FAT4: variants seen among roughly 807,000 people sequenced by gnomAD.
FAT4 encodes FAT atypical cadherin 4, also known as protocadherin Fat 4.
Under a neutral mutation model 303.9 loss-of-function variants are expected in FAT4, and 84 were observed. The observed-to-expected ratio is 0.28, with a 90% CI of 0.23 to 0.33. FAT4 has a LOEUF of 0.33. Ranked by LOEUF, FAT4 falls within the 10% of genes least tolerant of loss-of-function variation. FAT4 has a pLI of 1.00. For synonymous variants in FAT4, 2,307 were observed against 2,298.8 expected (o/e 1.00, Z -0.10); for missense variants, 6,005 against 6,146.8 (o/e 0.98, Z 0.77).
chr4:125,411,714 AT>A (rs2126023942), intron 5 of FAT4, among the ~76,000 whole-genome samples: 1 of 148,428 alleles, frequency 6.7e-6, no homozygotes, highest in East Asian at 2.0e-4. Context: ...TACTTTTAAA[AT>A]ATATTTTACT....
chr4:125,375,598 A>G (rs1578573227), intron 2 of FAT4, among the ~76,000 whole-genome samples: 1 of 152,330 alleles, frequency 6.6e-6, no homozygotes, highest in Admixed American at 6.5e-5. Flanking sequence ...ACATCACTGC[A>G]CTAAGAGTAA....
chr4:125,436,465 C>T (rs142905433), intron 8 of FAT4, among the ~76,000 whole-genome samples: 1 of 152,218 alleles, frequency 6.6e-6, no homozygotes, highest in African/African-American at 2.4e-5. Context: ...TGGATATACA[C>T]ATTTGAGAGT....
At chr4:125,489,412 T>A (rs946840350) in intron 17 of FAT4, among the ~76,000 whole-genome samples, 2 of 152,346 alleles carry the variant, frequency 1.3e-5, no homozygotes, top group East Asian at 3.9e-4. Context: ...ATTTTTTTGT[T>A]TTGCTCCCCA....
Position 125,492,884 on chromosome 4 carries a change from T to C in FAT4, c.*1116T>C, listed in dbSNP as rs1477417259. 1 of 152,570 alleles carries C rather than the reference T, an allele frequency of 6.6e-6. No individual in the cohort carries two copies. The highest frequency in any genetic ancestry group is 2.4e-5 in the African/African-American group (1 of 41,466). The allele number at this position is 152,570 out of a possible 1,614,324, so 9.5% of individuals were successfully genotyped here. ...TTGATATTTGTAACATACTGTATGC[T>C]TTCTACTTGTAAATGTCAACAATAG... is the stretch of plus-strand genomic sequence containing the variant. On this transcript the variant is annotated 3_prime_UTR_variant, in exon 18 of 18. Transcript: ENST00000394329.
rs114227532 is a variant in FAT4 at position 125,320,630 on chromosome 4, G to C, written c.4219G>C (p.Val1407Leu). ...TCCTCGTTCATCTACAATGTCAGTG[G>C]TTATTCACGTGAGGGACTTTAATGA... is the stretch of plus-strand genomic sequence containing the variant. ...RPPRSSTMSV[V>L]IHVRDFNDNP... Residue 1407 changes from valine to leucine, a missense_variant, in exon 2 of 18, where the codon GTT becomes CTT. Val to Leu is a conservative substitution (Grantham distance 32, BLOSUM62 1). Transcript: ENST00000394329. The C allele has an allele frequency of 1.2e-6, 2 of 1,614,098 alleles. No homozygotes were observed. The highest frequency in any genetic ancestry group is 3.3e-5 in the Admixed American group (2 of 60,028).
Position 125,316,352 on chromosome 4 carries a change from T to A in FAT4, c.-12-48T>A, listed in dbSNP as rs933668902. 2 of 1,532,400 alleles carry A rather than the reference T, an allele frequency of 1.3e-6. No homozygotes were observed. Among genetic ancestry groups the A allele is most frequent in the African/African-American group, 2.7e-5 (2 of 72,788 alleles). 94.9% of individuals were successfully genotyped at this position (1,532,400 alleles called of 1,614,324 possible). A position where few individuals can be genotyped will look rare whatever the true frequency, so the allele number is the denominator to read the frequency against. ...TGGCGCTCCTTAATCCCTGTAAATA[T>A]CATTGCGTTTGCTTCACCCCTTCCT... On this transcript the variant is annotated intron_variant, in intron 1 of 17. Coordinates refer to ENST00000394329, the MANE Select transcript of FAT4 (RefSeq NM_001291303.3). This position sits in a 1 kb window ranked among gnomAD's most constrained non-coding sequence, Gnocchi z 5.7.
chr4:125,340,456 T>TGCAAGCTCCGCC (rs1731744279), intron 2 of FAT4, among the ~76,000 whole-genome samples: 1 of 152,018 alleles, frequency 6.6e-6, no homozygotes, highest in African/African-American at 2.4e-5. Flanking sequence ...TGATCTCGGC[T>TGCAAGCTCCGCC]AGCTGCAAGC....
At position 125,321,356 on chromosome 4, in the gene FAT4, A is replaced by G. The variant is rs774671625; in HGVS notation, c.4945A>G (p.Ile1649Val). ...AGGAGAACCCATTGGCACAAACGTG[A>G]TATCAATAGAAGCAGCTAGCCCCAG... is the stretch of plus-strand genomic sequence containing the variant. ...KEGEPIGTNVISIEAASPRGS... is the reference protein window; with the variant it reads ...KEGEPIGTNVVSIEAASPRGS... The change falls in exon 2 of 18, where the codon ATA (isoleucine) becomes GTA (valine). Residue 1649 changes from isoleucine (I) to valine (V), a missense_variant. Transcript: ENST00000394329. 6.2e-7 allele frequency: 1 copy of G among 1,614,196 alleles called. No homozygotes were observed. The highest frequency in any genetic ancestry group is 8.5e-7 in the Non-Finnish European group (1 of 1,180,012).
In FAT4 at chr4:125,315,804, C is replaced by A. The variant is rs7676612; in HGVS notation, c.-186C>A. Reference sequence around the variant, plus strand: ...CCTGGGCCTCAGCGGCCACTGCCGGCGCCCTGTTGGAGGGGCGTTGCAGCC... The same window carrying A: ...CCTGGGCCTCAGCGGCCACTGCCGGAGCCCTGTTGGAGGGGCGTTGCAGCC... On this transcript the variant is annotated 5_prime_UTR_variant, in exon 1 of 18. Coordinates refer to ENST00000394329, the MANE Select transcript of FAT4 (RefSeq NM_001291303.3). Among the ~76,000 whole-genome samples the A allele has an allele frequency of 0.45, 68,868 of 151,982 alleles. 16,051 individuals are homozygous for A. The highest frequency in any genetic ancestry group is 0.56 in the African/African-American group (23,405 of 41,448).
At chr4:125,407,226 A>G (rs748254237) in intron 4 of FAT4, 85 bp downstream of exon 4, 16 of 1,257,592 alleles carry the variant, frequency 1.3e-5, no homozygotes, top group African/African-American at 1.1e-4. Context: ...CTCTTAATCA[A>G]TGATTAGTTT....
At chr4:125,458,761 T>C (rs1021993999) in intron 10 of FAT4, among the ~76,000 whole-genome samples, 1 of 152,042 alleles carries the variant, frequency 6.6e-6, no homozygotes, top group African/African-American at 2.4e-5. Flanking sequence ...TGTTTGTGCT[T>C]GTTTTACAAG....
chr4:125,412,646 A>AT (rs1238388553), intron 5 of FAT4, among the ~76,000 whole-genome samples: 2 of 151,800 alleles, frequency 1.3e-5, no homozygotes, highest in African/African-American at 2.4e-5. Context: ...TGCCTCTGCA[A>AT]TTTAGCTGTT....
In FAT4 at chr4:125,479,651, TAAAC is replaced by T; in HGVS notation, c.12480-87_12480-84del. 2 of 1,256,454 alleles carry T rather than the reference TAAAC, an allele frequency of 1.6e-6. 1 individual carries two copies. The highest frequency in any genetic ancestry group is 5.0e-5 in the South Asian group (2 of 40,286). 77.8% of individuals were successfully genotyped at this position (1,256,454 alleles called of 1,614,324 possible). A position where few individuals can be genotyped will look rare whatever the true frequency, so the allele number is the denominator to read the frequency against. ...CTTCAAATAATGGAGTGCTTGAAATTAAACAAGCTAATAAAAGTGTATATTGAGT... is the reference window on the plus strand; with the variant it reads ...CTTCAAATAATGGAGTGCTTGAAATTAAGCTAATAAAAGTGTATATTGAGT... On this transcript the variant is annotated intron_variant, in intron 14 of 17. Transcript: ENST00000394329.
Position 125,318,001 on chromosome 4 carries a change from C to A in FAT4, c.1590C>A (p.Gly530=). 6.2e-7 allele frequency: 1 copy of A among 1,614,200 alleles called. No individual in the cohort carries two copies. The highest frequency in any genetic ancestry group is 8.5e-7 in the Non-Finnish European group (1 of 1,180,040). The part of the protein sequence containing the change: ...LGWFHISEHS[G]LVTTGSSGGL... The stretch of plus-strand genomic sequence containing the variant: ...GGTTCCATATCAGTGAACATAGCGG[C>A]CTCGTGACCACTGGGTCCTCTGGGG... Residue 530 remains glycine (G), a synonymous_variant, in exon 2 of 18, where the codon GGC becomes GGA. Transcript: ENST00000394329.
intron 2 of FAT4, among the ~76,000 whole-genome samples, chr4:125,370,111 T>A (rs546176860): frequency 4.9e-4 from 75 of 152,034 alleles, no homozygotes; most frequent in Non-Finnish European, 9.1e-4. Context: ...GTGATAGAAT[T>A]CATACTAGAT....
intron 2 of FAT4, among the ~76,000 whole-genome samples, chr4:125,393,412 A>G (rs1734046000): frequency 6.6e-6 from 1 of 152,134 alleles, no homozygotes; most frequent in Non-Finnish European, 1.5e-5. Context: ...ATCAATTTAA[A>G]TTGGGGAAAT....
chr4:125,381,004 C>A (rs1446118822), intron 2 of FAT4, among the ~76,000 whole-genome samples: 1 of 152,070 alleles, frequency 6.6e-6, no homozygotes, highest in Non-Finnish European at 1.5e-5. Context: ...CTTCTGATTA[C>A]CTATTACAGA....
chr4:125,330,754 G>A (rs1731348950), intron 2 of FAT4, among the ~76,000 whole-genome samples: 1 of 152,280 alleles, frequency 6.6e-6, no homozygotes, highest in Admixed American at 6.5e-5. Flanking sequence ...GTCCCCTTCA[G>A]TTTAGTCTAG....
At chr4:125,414,342 A>G (rs746501678) in intron 5 of FAT4, among the ~76,000 whole-genome samples, 1 of 152,186 alleles carries the variant, frequency 6.6e-6, no homozygotes, top group Non-Finnish European at 1.5e-5. Flanking sequence ...TTCTTTAAAA[A>G]TACTTTTTAG....
Sources: allele counts gnomAD v4.1 joint callset (sites outside exome capture counted in the v4.1 genomes callset), GRCh38; gene constraint gnomAD v4.1.1; non-coding constraint Gnocchi (gnomAD v3.1); transcripts MANE v1.5; gene names NCBI Gene and HGNC (gene_info 2026-07-23, HGNC 2026-07-21).